The following SFMBT2 variants were observed in gnomAD, a reference collection of about 807,000 sequenced individuals.
SFMBT2 encodes the protein scm-like with four MBT domains protein 2.
SFMBT2 carries 38 observed loss-of-function variants against 110.1 expected under a neutral mutation model. The observed-to-expected ratio is 0.35, with a 90% confidence interval of 0.27 to 0.45. The LOEUF is 0.45. Ranked by LOEUF, SFMBT2 falls within the 20% of genes least tolerant of loss-of-function variation. The pLI, the probability that SFMBT2 is intolerant of heterozygous loss-of-function variation, is 1.00. For synonymous variants in SFMBT2, 425 were observed against 425.4 expected, an observed-to-expected ratio of 1.00 and a Z score of 0.01; for missense variants, 1,011 against 1,094.9, an observed-to-expected ratio of 0.92 and a Z score of 1.08.
chr10:7,270,301 T>C (rs1841541532), intron 7 of SFMBT2, among the ~76,000 whole-genome samples: 1 of 152,026 alleles, frequency 6.6e-6, no homozygotes, highest in Non-Finnish European at 1.5e-5. Context: ...CAGGGGAGTG[T>C]GGTCCTGCCG....
At chr10:7,340,073 G>A (rs886094210) in intron 4 of SFMBT2, among the ~76,000 whole-genome samples, 5 of 152,208 alleles carry the variant, frequency 3.3e-5, no homozygotes, top group East Asian at 1.9e-4. Context: ...AGCCACAGTC[G>A]GTGGGGATCC....
Position 7,315,017 on chromosome 10 carries a change from AAAGAG to A in SFMBT2, c.437-29068_437-29064del, listed in dbSNP as rs1842951550. Among the ~76,000 whole-genome samples the A allele has an allele frequency of 1.8e-4, 25 of 137,104 alleles. No individual in the cohort carries two copies. In the South Asian group the frequency reaches 5.6e-3, roughly 31 times the overall value. 89.9% of individuals were successfully genotyped at this position (137,104 alleles called of 152,430 possible). A position where few individuals can be genotyped will look rare whatever the true frequency, so the allele number is the denominator to read the frequency against. ...AAGAAAGAAAAGAAAGAAAGAAAGAAAAGAGAGAGAAAGAAAGAAAGAGAAAGAAA... is the reference window on the plus strand; with the variant it reads ...AAGAAAGAAAAGAAAGAAAGAAAGAAAGAGAAAGAAAGAAAGAGAAAGAAA... On this transcript the variant is annotated intron_variant, in intron 4 of 20. Coordinates refer to ENST00000397167, the MANE Select transcript of SFMBT2 (RefSeq NM_001387889.1).
At chr10:7,337,808 A>G (rs1043952176) in intron 4 of SFMBT2, among the ~76,000 whole-genome samples, 1 of 152,178 alleles carries the variant, frequency 6.6e-6, no homozygotes, top group Non-Finnish European at 1.5e-5. Flanking sequence ...CCTGGAATCA[A>G]CTGAAGACGA....
rs76414854 is a variant in SFMBT2, at chr10:7,180,583, G to A, written c.1809-4418C>T. On this transcript the variant is annotated intron_variant, in intron 16 of 20. Transcript: ENST00000397167. Reference sequence around the variant, plus strand: ...GAGCCTTTAACCCCAGAGCTGCTGCGGGTGCCTGCCTGGCCTCACTGTGGG... The same window carrying A: ...GAGCCTTTAACCCCAGAGCTGCTGCAGGTGCCTGCCTGGCCTCACTGTGGG... 5.9e-3 allele frequency among the ~76,000 whole-genome samples: 897 copies of A among 152,212 alleles called. 6 individuals carry two copies. Among genetic ancestry groups the A allele is most frequent in the African/African-American group, 0.02 (828 of 41,522 alleles).
intron 12 of SFMBT2, chr10:7,205,576 T>C: frequency 1.0e-6 from 1 of 985,442 alleles, no homozygotes; most frequent in Non-Finnish European, 1.2e-6. Context: ...TTCAGATATT[T>C]TTCCTCTGCC....
intron 11 of SFMBT2, chr10:7,215,737 T>G: frequency 4.1e-6 from 4 of 985,400 alleles, no homozygotes; most frequent in Non-Finnish European, 4.8e-6. Context: ...CTCAACTTCA[T>G]AGACATCAGG....
Position 7,176,243 on chromosome 10 carries a change from A to T in SFMBT2, c.1809-78T>A, listed in dbSNP as rs905418691. 2.8e-6 allele frequency: 4 copies of T among 1,412,952 alleles called. No individual in the cohort carries two copies. The South Asian group carries it at 3.7e-5, about 13-fold the overall frequency. The allele number at this position is 1,412,952 out of a possible 1,614,324, so 87.5% of individuals were successfully genotyped here. ...GCCTATTCTGTACCACACATTCCGA[A>T]GGCAGCAACTTCATTTTCCAATGAC... On this transcript the variant is annotated intron_variant, in intron 16 of 20. Coordinates refer to ENST00000397167, the MANE Select transcript of SFMBT2 (RefSeq NM_001387889.1).
intron 1 of SFMBT2, among the ~76,000 whole-genome samples, chr10:7,384,532 A>G (rs1845533030): frequency 6.6e-6 from 1 of 152,208 alleles, no homozygotes; most frequent in African/African-American, 2.4e-5. Context: ...TTTAATAAAA[A>G]AAAATGAAGT....
At chr10:7,323,121 TACTA>T (rs1413610672) in intron 4 of SFMBT2, among the ~76,000 whole-genome samples, 12 of 152,106 alleles carry the variant, frequency 7.9e-5, no homozygotes, top group Non-Finnish European at 1.5e-4. Flanking sequence ...GTAAAAACAA[TACTA>T]ACTATGATTT....
intron 7 of SFMBT2, among the ~76,000 whole-genome samples, chr10:7,265,606 T>C (rs1841361278): frequency 6.6e-6 from 1 of 152,238 alleles, no homozygotes; most frequent in African/African-American, 2.4e-5. Flanking sequence ...AGAACTGAGC[T>C]GGGGTATTTT....
chr10:7,168,671 G>A (rs1837775308), intron 20 of SFMBT2, among the ~76,000 whole-genome samples: 1 of 152,260 alleles, frequency 6.6e-6, no homozygotes, highest in Non-Finnish European at 1.5e-5. Context: ...GCAACGTGCT[G>A]TGCTGGGCAG....
chr10:7,294,599 T>G (rs1225473060), intron 4 of SFMBT2, among the ~76,000 whole-genome samples: 1 of 152,202 alleles, frequency 6.6e-6, no homozygotes. Context: ...AAATTAATTC[T>G]GATGGTTAAT....
At chr10:7,233,501 T>C (rs989639609) in intron 9 of SFMBT2, among the ~76,000 whole-genome samples, 3 of 152,208 alleles carry the variant, frequency 2.0e-5, no homozygotes, top group Admixed American at 6.5e-5. Context: ...TAGAAGAGCA[T>C]GTGTAAATAG....
At chr10:7,221,055 T>C (rs2131650384) in intron 10 of SFMBT2, among the ~76,000 whole-genome samples, 1 of 151,632 alleles carries the variant, frequency 6.6e-6, no homozygotes, top group Middle Eastern at 3.5e-3. Flanking sequence ...CTCGATCTCC[T>C]GGCCTTGTGA....
chr10:7,304,893 T>G (rs1379529396), intron 4 of SFMBT2, among the ~76,000 whole-genome samples: 1 of 152,076 alleles, frequency 6.6e-6, no homozygotes, highest in Non-Finnish European at 1.5e-5. Context: ...ACCTCCTAAT[T>G]ACGTGAGAAG....
chr10:7,400,425 C>T (rs929497068), intron 1 of SFMBT2, among the ~76,000 whole-genome samples: 1 of 152,194 alleles, frequency 6.6e-6, no homozygotes, highest in Non-Finnish European at 1.5e-5. Context: ...ATCTCTCATT[C>T]CAGGGTTGGC....
At chr10:7,323,727 A>G (rs1843280005) in intron 4 of SFMBT2, among the ~76,000 whole-genome samples, 1 of 152,202 alleles carries the variant, frequency 6.6e-6, no homozygotes, top group Admixed American at 6.5e-5. Context: ...ATCTTTAAGA[A>G]AAGAAAGTAC....
intron 5 of SFMBT2, chr10:7,285,102 A>G (rs1842050124): frequency 6.6e-6 from 1 of 152,174 alleles, no homozygotes; most frequent in African/African-American, 2.4e-5. Flanking sequence ...CAAAATCCAC[A>G]CCTTATTACT....
chr10:7,399,915 C>T (rs966064645), intron 1 of SFMBT2, among the ~76,000 whole-genome samples: 2 of 152,168 alleles, frequency 1.3e-5, no homozygotes, highest in African/African-American at 4.8e-5. Context: ...TAGGATGGAA[C>T]AGAGACTGAA....
Sources: allele counts gnomAD v4.1 joint callset (sites outside exome capture counted in the v4.1 genomes callset), GRCh38; gene constraint gnomAD v4.1.1; transcripts MANE v1.5; gene names NCBI Gene and HGNC (gene_info 2026-07-23, HGNC 2026-07-21).